The following LYST variants were observed in gnomAD, a reference collection of about 807,000 sequenced individuals.
LYST encodes the protein lysosomal-trafficking regulator.
Under a neutral mutation model 413.6 loss-of-function variants are expected in LYST, and 192 were observed. The observed-to-expected ratio is 0.46, with a 90% confidence interval of 0.41 to 0.52. The LOEUF is 0.52. Ranked by LOEUF, LYST falls within the 20% of genes least tolerant of loss-of-function variation. LYST has a pLI of 0.00. For missense variants in LYST, 3,815 were observed against 4,499.9 expected (o/e 0.85, Z 4.35); for synonymous variants, 1,525 against 1,567.3 (o/e 0.97, Z 0.64).
chr1:235,866,178 TCAGAAGCGAAGGGG>T (rs1380944218), intron 1 of LYST, among the ~76,000 whole-genome samples: 2 of 152,086 alleles, frequency 1.3e-5, no homozygotes, highest in Non-Finnish European at 2.9e-5. Context: ...ATTTAACTCA[TCAGAAGCGAAGGGG>T]CATCTCAGTC....
At chr1:235,798,578 TAAAAAAAAAAAAAAAAAAAAAA>T (rs71174462) in intron 10 of LYST, among the ~76,000 whole-genome samples, 4 of 81,712 alleles carry the variant, frequency 4.9e-5, no homozygotes, top group East Asian at 1.1e-3. Flanking sequence ...AACCCTGTCA[TAAAAAAAAAAAAAAAAAAAAAA>T]AAAAAAAAAA....
intron 1 of LYST, among the ~76,000 whole-genome samples, chr1:235,873,242 T>C (rs1681013739): frequency 6.6e-6 from 1 of 152,224 alleles, no homozygotes; most frequent in South Asian, 2.1e-4. Context: ...TAAAAACAAC[T>C]GAAATTTCCC....
At chr1:235,705,226 A>G (rs1203729352) in intron 44 of LYST, among the ~76,000 whole-genome samples, 1 of 152,200 alleles carries the variant, frequency 6.6e-6, no homozygotes, top group East Asian at 1.9e-4. Context: ...TCTGCACTTA[A>G]TCGCCATACT....
chr1:235,868,613 T>C (rs752244699), upstream of LYST, among the ~76,000 whole-genome samples: 2 of 152,226 alleles, frequency 1.3e-5, no homozygotes, highest in Non-Finnish European at 2.9e-5. Flanking sequence ...TGGTATACAA[T>C]TGGCCCTCAA....
At chr1:235,776,684 T>C (rs1669279440) in intron 17 of LYST, among the ~76,000 whole-genome samples, 1 of 151,132 alleles carries the variant, frequency 6.6e-6, no homozygotes, top group African/African-American at 2.5e-5. Flanking sequence ...CCCAAACAAA[T>C]TAAAGTTTTT....
rs751381504 is a variant in LYST, at chr1:235,809,909, G to A, written c.909C>T (p.Ser303=). 4.3e-6 allele frequency: 7 copies of A among 1,613,924 alleles called. No individual in the cohort carries two copies. Among genetic ancestry groups the A allele is most frequent in the South Asian group, 2.2e-5 (2 of 91,074 alleles). ...AAACTACTCGACTCTCCAAGTTGTC[G>A]CTCAGACTGCAGCAGTCCCCAAAGC... is the stretch of plus-strand genomic sequence containing the variant. ...LAGFGDCCSL[S]DNLESRVVSA... is the part of the protein sequence containing the mutation. The change falls in exon 5 of 53, where the codon AGC becomes AGT. Residue 303 remains serine (S), a synonymous_variant. Coordinates refer to ENST00000389793, the MANE Select transcript of LYST (RefSeq NM_000081.4). The surrounding 1 kb of genome is among the most constrained non-coding windows in gnomAD (Gnocchi z 4.0).
intron 45 of LYST, among the ~76,000 whole-genome samples, chr1:235,698,532 A>G (rs1244536235): frequency 6.6e-6 from 1 of 152,210 alleles, no homozygotes; most frequent in African/African-American, 2.4e-5. Flanking sequence ...TTTGTCTAAC[A>G]GTGTTTTTTT....
chr1:235,733,394 G>A (rs1664547210), intron 34 of LYST, 109 bp downstream of exon 34: 2 of 931,804 alleles, frequency 2.1e-6, no homozygotes, highest in South Asian at 1.4e-5. Context: ...ACAAAAAATT[G>A]TTTAATGAAA....
chr1:235,728,281 G>T, intron 37 of LYST, 150 bp from the exon 38 acceptor site: 1 of 644,360 alleles, frequency 1.6e-6, no homozygotes, highest in Non-Finnish European at 2.8e-6. Flanking sequence ...TTTTTGAATA[G>T]TATCCATGAA....
intron 40 of LYST, among the ~76,000 whole-genome samples, chr1:235,719,652 T>C (rs1308121613): frequency 1.4e-5 from 2 of 147,306 alleles, no homozygotes; most frequent in Non-Finnish European, 1.5e-5. Flanking sequence ...GGAAAATATA[T>C]ATAAAGCTCA....
At position 235,810,803 on chromosome 1, in the gene LYST, A is replaced by G. The variant is rs11589975; in HGVS notation, c.284-269T>C. Among the ~76,000 whole-genome samples the G allele has an allele frequency of 0.11, 17,483 of 152,236 alleles. 1,104 individuals are homozygous for G. Among genetic ancestry groups the G allele is most frequent in the Middle Eastern group, 0.18 (53 of 294 alleles). ...ACAGAGGCACACCTATACTTACTCT[A>G]AACACTAGCTGACATTACTTCAAAG... On this transcript the variant is annotated intron_variant, in intron 4 of 52. Coordinates refer to ENST00000389793, the MANE Select transcript of LYST (RefSeq NM_000081.4).
chr1:235,774,014 T>A, intron 18 of LYST, 23 bp from the exon 19 acceptor site: 1 of 1,521,828 alleles, frequency 6.6e-7, no homozygotes, highest in Non-Finnish European at 9.1e-7. Flanking sequence ...AGCATTAATA[T>A]AAGATGCATT....
At position 235,715,341 on chromosome 1, in the gene LYST, T is replaced by A; in HGVS notation, c.9644A>T (p.Tyr3215Phe). The change falls in exon 42 of 53, where the codon TAC (tyrosine) becomes TTC (phenylalanine). Residue 3215 changes from tyrosine to phenylalanine, a missense_variant. Transcript: ENST00000389793. ...GTCATCTTCTCTGGCTCCTTTGCGGTACTCTTCCTCCAAGTACTGAAAGAA... is the reference window on the plus strand; with the variant it reads ...GTCATCTTCTCTGGCTCCTTTGCGGAACTCTTCCTCCAAGTACTGAAAGAA... Reference protein sequence around the residue: ...VDTYKYLEEEYRKGAREDDPM... With the variant: ...VDTYKYLEEEFRKGAREDDPM... 1 of 1,613,944 alleles carries A rather than the reference T, an allele frequency of 6.2e-7. No individual in the cohort carries two copies. Among genetic ancestry groups the A allele is most frequent in the Non-Finnish European group, 8.5e-7 (1 of 1,179,890 alleles).
chr1:235,731,049 T>A lies in LYST; in HGVS notation c.8930A>T (p.Asp2977Val). ...LTIPNKYLLR[D>V]RQKSEDVVKP... ...ACTATTACCTTCTGATTTCTGTCTA[T>A]CCCTAAGGAGATACTTATTTGGAAT... Residue 2977 changes from aspartate (D) to valine (V), a missense_variant, in exon 35 of 53, where the codon GAT becomes GTT. Physicochemically the swap from Asp to Val is radical, Grantham distance 152. Around this residue, in one of 4 missense-constraint regions of LYST, gnomAD observed 866 missense variants for 1,156.0 expected, o/e 0.75. Transcript: ENST00000389793. 6.2e-7 allele frequency: 1 copy of A among 1,613,660 alleles called. No homozygotes were observed. The highest frequency in any genetic ancestry group is 8.5e-7 in the Non-Finnish European group (1 of 1,179,572).
rs1658248057 is a variant in LYST at position 235,664,161 on chromosome 1, A to C, written c.11196-106T>G. On this transcript the variant is annotated intron_variant, in intron 51 of 52. Coordinates refer to ENST00000389793, the MANE Select transcript of LYST (RefSeq NM_000081.4). This position sits in a 1 kb window ranked among gnomAD's most constrained non-coding sequence, Gnocchi z 4.5. ...AAAATCATGTGGAAGGAAATGTAAC[A>C]AACAATTAACAGTAGTTCCCTCTAG... 1 of 948,284 alleles carries C rather than the reference A, an allele frequency of 1.1e-6. No homozygotes were observed. Among genetic ancestry groups the C allele is most frequent in the Non-Finnish European group, 1.7e-6 (1 of 583,916 alleles). The allele number at this position is 948,284 out of a possible 1,614,324, so 58.7% of individuals were successfully genotyped here. A position where few individuals can be genotyped will look rare whatever the true frequency, so the allele number is the denominator to read the frequency against.
intron 1 of LYST, among the ~76,000 whole-genome samples, chr1:235,858,148 A>C (rs1679428328): frequency 6.6e-6 from 1 of 152,120 alleles, no homozygotes; most frequent in African/African-American, 2.4e-5. Flanking sequence ...AATGACCCCT[A>C]CTTTGCAGAA....
chr1:235,804,719 A>G, intron 6 of LYST, 54 bp from the exon 7 acceptor site: 1 of 1,032,998 alleles, frequency 9.7e-7, no homozygotes, highest in South Asian at 1.4e-5. Flanking sequence ...AAAAAACTAA[A>G]TGATGAAAAA....
At chr1:235,848,271 T>C (rs1374351277) in intron 1 of LYST, among the ~76,000 whole-genome samples, 1 of 152,134 alleles carries the variant, frequency 6.6e-6, no homozygotes, top group Non-Finnish European at 1.5e-5. Context: ...AATAACCTGC[T>C]CCTGAATGAG....
intron 1 of LYST, among the ~76,000 whole-genome samples, chr1:235,858,515 C>A (rs1679471223): frequency 6.6e-6 from 1 of 152,204 alleles, no homozygotes; most frequent in African/African-American, 2.4e-5. Flanking sequence ...ATTCTCACAT[C>A]TATGTGCCAA....
Sources: gnomAD v4.1 joint callset for allele counts (sites outside exome capture counted in the v4.1 genomes callset) on GRCh38, gnomAD v4.1.1 for gene constraint, gnomAD v4.1.1 regional missense constraint, Gnocchi (gnomAD v3.1) non-coding constraint, MANE v1.5 for transcripts, NCBI Gene and HGNC (gene_info 2026-07-23, HGNC 2026-07-21) for gene names.